Variants in CHMP2B observed in about 807,000 individuals in gnomAD.
CHMP2B encodes the protein VPS2 homolog B.
A neutral mutation model predicts 29.8 loss-of-function variants in CHMP2B; 22 were observed. The observed-to-expected ratio is 0.74, with a 90% CI of 0.53 to 1.05. CHMP2B has a LOEUF of 1.05. Ranked by LOEUF, CHMP2B falls within the 50% of genes least tolerant of loss-of-function variation. The probability of loss-of-function intolerance (pLI) is 0.00; values close to 1 mark genes in which losing one functional copy is unlikely to be tolerated. For missense variants in CHMP2B, 261 were observed against 252.2 expected, an observed-to-expected ratio of 1.03 and a Z score of -0.24; for synonymous variants, 78 against 75.8, an observed-to-expected ratio of 1.03 and a Z score of -0.15.
rs1705825901 is a variant in CHMP2B, at chr3:87,227,353, G to C, written c.-170G>C. 3 of 685,842 alleles carry C rather than the reference G, an allele frequency of 4.4e-6. No homozygotes were observed. The highest frequency in any genetic ancestry group is 4.8e-5 in the Admixed American group (2 of 41,664). The allele number at this position is 685,842 out of a possible 1,614,324, so 42.5% of individuals were successfully genotyped here. A position where few individuals can be genotyped will look rare whatever the true frequency, so the allele number is the denominator to read the frequency against. On this transcript the variant is annotated 5_prime_UTR_variant, in exon 1 of 6. Coordinates refer to ENST00000263780, the MANE Select transcript of CHMP2B (RefSeq NM_014043.4). Reference sequence around the variant, plus strand: ...AGCTCCGGGTGACGCGGCTGCGGTAGCTGCGGATACAAGCCTTCCGCGGGT... The same window carrying C: ...AGCTCCGGGTGACGCGGCTGCGGTACCTGCGGATACAAGCCTTCCGCGGGT...
intron 4 of CHMP2B, among the ~76,000 whole-genome samples, chr3:87,251,156 T>C (rs546217725): frequency 1.1e-4 from 16 of 151,910 alleles, no homozygotes; most frequent in Non-Finnish European, 2.4e-4. Context: ...ATAAACTCAT[T>C]GTTCTAGTAT....
intron 1 of CHMP2B, among the ~76,000 whole-genome samples, chr3:87,237,219 C>A (rs1394504702): frequency 1.3e-5 from 2 of 152,066 alleles, no homozygotes; most frequent in Non-Finnish European, 2.9e-5. Context: ...GCTGAATTGT[C>A]CCCCCTGCCT....
Position 87,253,698 on chromosome 3 carries a change from A to G in CHMP2B, c.532-14A>G, listed in dbSNP as rs372831769. ...TTCCTAATGCACGTTTGTCTTTTTC[A>G]TTGTTTAATATAGATGGCCAAAGCT... On this transcript the variant is annotated splice_polypyrimidine_tract_variant and intron_variant, in intron 5 of 5. Transcript: ENST00000263780. 3.7e-5 allele frequency: 60 copies of G among 1,607,252 alleles called. No individual in the cohort carries two copies. The highest frequency in any genetic ancestry group is 3.2e-5 in the Non-Finnish European group (38 of 1,174,548).
chr3:87,240,631 C>A, intron 1 of CHMP2B, 68 bp from the exon 2 acceptor site: 2 of 1,058,934 alleles, frequency 1.9e-6, no homozygotes, highest in Non-Finnish European at 1.5e-6. Flanking sequence ...ATCTGTGAAT[C>A]CAGTATTTTA....
At chr3:87,252,654 A>G (rs999691055) in intron 4 of CHMP2B, among the ~76,000 whole-genome samples, 3 of 151,788 alleles carry the variant, frequency 2.0e-5, no homozygotes, top group African/African-American at 7.3e-5. Context: ...TTTATACTCA[A>G]GTGTCAACTA....
chr3:87,232,718 C>T (rs1705931000), intron 1 of CHMP2B, among the ~76,000 whole-genome samples: 1 of 152,140 alleles, frequency 6.6e-6, no homozygotes, highest in African/African-American at 2.4e-5. Context: ...GCCTGTGAGG[C>T]TTTTCTTCCA....
chr3:87,246,217 A>C (rs901603353), intron 3 of CHMP2B, among the ~76,000 whole-genome samples: 2 of 151,702 alleles, frequency 1.3e-5, no homozygotes, highest in East Asian at 3.9e-4. Context: ...GGCTCCCTGC[A>C]TCCTCCGCCT....
Position 87,253,421 on chromosome 3 carries a change from G to T in CHMP2B, c.442G>T (p.Asp148Tyr), listed in dbSNP as rs63750653. ...TCCCCTAGTCAATGATACACTTGATGACATCTTTGACGGTTCTGATGACGA... is the reference window on the plus strand; with the variant it reads ...TCCCCTAGTCAATGATACACTTGATTACATCTTTGACGGTTCTGATGACGA... Reference protein sequence around the residue: ...TEEMINDTLDDIFDGSDDEEE... With the variant: ...TEEMINDTLDYIFDGSDDEEE... Residue 148 changes from aspartate (D) to tyrosine (Y), a missense_variant, in exon 5 of 6, where the codon GAC becomes TAC. Asp to Tyr is a radical substitution (Grantham distance 160). Transcript: ENST00000263780. 2 of 1,606,506 alleles carry T rather than the reference G, an allele frequency of 1.2e-6. No homozygotes were observed. The highest frequency in any genetic ancestry group is 1.7e-6 in the Non-Finnish European group (2 of 1,173,444).
intron 1 of CHMP2B, among the ~76,000 whole-genome samples, chr3:87,235,235 T>G (rs1705980441): frequency 2.0e-5 from 3 of 152,194 alleles, no homozygotes; most frequent in Admixed American, 2.0e-4. Context: ...GTAAAAACAT[T>G]AAAATTGCCT....
chr3:87,235,061 C>T (rs188298343), intron 1 of CHMP2B, among the ~76,000 whole-genome samples: 3 of 152,224 alleles, frequency 2.0e-5, no homozygotes, highest in Admixed American at 1.3e-4. Context: ...TCCCATAGAT[C>T]GCTAGTAAGT....
intron 1 of CHMP2B, among the ~76,000 whole-genome samples, chr3:87,230,932 A>G (rs938291665): frequency 6.6e-6 from 1 of 152,106 alleles, no homozygotes; most frequent in Admixed American, 6.5e-5. Context: ...AACTTCCAAG[A>G]CATAGCACTC....
chr3:87,249,802 C>T, intron 3 of CHMP2B, 73 bp from the exon 4 acceptor site: 2 of 849,340 alleles, frequency 2.4e-6, no homozygotes, highest in Non-Finnish European at 3.9e-6. Flanking sequence ...TTGATGTGTT[C>T]CCTTTTGACT....
intron 4 of CHMP2B, among the ~76,000 whole-genome samples, chr3:87,251,952 C>A (rs536391288): frequency 6.6e-6 from 1 of 151,770 alleles, no homozygotes; most frequent in South Asian, 2.1e-4. Context: ...GAGTAACATA[C>A]CGCGAAATTA....
At chr3:87,245,125 A>G (rs1575968550) in intron 2 of CHMP2B, among the ~76,000 whole-genome samples, 1 of 152,016 alleles carries the variant, frequency 6.6e-6, no homozygotes, top group Non-Finnish European at 1.5e-5. Flanking sequence ...TTTCATCTCT[A>G]TTAATATAGC....
chr3:87,237,220 C>T (rs566571026), intron 1 of CHMP2B, among the ~76,000 whole-genome samples: 1 of 152,128 alleles, frequency 6.6e-6, no homozygotes, highest in South Asian at 2.1e-4. Context: ...CTGAATTGTC[C>T]CCCCTGCCTC....
chr3:87,236,053 C>T (rs1455564183), intron 1 of CHMP2B, among the ~76,000 whole-genome samples: 1 of 152,192 alleles, frequency 6.6e-6, no homozygotes, highest in South Asian at 2.1e-4. Context: ...CTCCCATGCC[C>T]TCTCTGTGTG....
At position 87,227,450 on chromosome 3, in the gene CHMP2B, C is replaced by T; in HGVS notation, c.-73C>T. On this transcript the variant is annotated 5_prime_UTR_variant, in exon 1 of 6. Coordinates refer to ENST00000263780, the MANE Select transcript of CHMP2B (RefSeq NM_014043.4). ...ACCCCGAACCCGCCAAGGTCCTGTC[C>T]TTTTCCTCCTGTCCTTTGCCAGCGT... 1 of 1,588,816 alleles carries T rather than the reference C, an allele frequency of 6.3e-7. No homozygotes were observed. Among genetic ancestry groups the T allele is most frequent in the Non-Finnish European group, 8.6e-7 (1 of 1,157,234 alleles).
intron 3 of CHMP2B, among the ~76,000 whole-genome samples, chr3:87,247,709 A>C (rs1361757647): frequency 6.6e-6 from 1 of 152,220 alleles, no homozygotes. Context: ...AGGAGTATTA[A>C]CTGTAATTGC....
At chr3:87,245,068 GA>G (rs1158239888) in intron 2 of CHMP2B, among the ~76,000 whole-genome samples, 1 of 152,012 alleles carries the variant, frequency 6.6e-6, no homozygotes, top group East Asian at 1.9e-4. Flanking sequence ...ATATCATTAT[GA>G]AATACCCCTT....
Sources: allele counts gnomAD v4.1 joint callset (sites outside exome capture counted in the v4.1 genomes callset), GRCh38; gene constraint gnomAD v4.1.1; transcripts MANE v1.5; gene names NCBI Gene and HGNC (gene_info 2026-07-23, HGNC 2026-07-21).